The following C1GALT1 variants were observed in gnomAD, a reference collection of about 807,000 sequenced individuals.
The protein encoded by C1GALT1 is glycoprotein-N-acetylgalactosamine 3-beta-galactosyltransferase 1.
C1GALT1 carries 11 observed loss-of-function variants against 31.0 expected under a neutral mutation model. The observed-to-expected ratio is 0.36, with a 90% CI of 0.22 to 0.59. The LOEUF (loss-of-function observed/expected upper bound fraction) is 0.59, where lower values mean the gene tolerates loss of function less well. Ranked by LOEUF, C1GALT1 falls within the 20% of genes least tolerant of loss-of-function variation. C1GALT1 has a pLI of 0.79. For synonymous variants in C1GALT1, 175 were observed against 143.6 expected, an observed-to-expected ratio of 1.22 and a Z score of -1.56; for missense variants, 424 against 425.2, an observed-to-expected ratio of 1.00 and a Z score of 0.03.
intron 2 of C1GALT1, among the ~76,000 whole-genome samples, chr7:7,237,563 T>C (rs1427202119): frequency 6.6e-6 from 1 of 152,196 alleles, no homozygotes; most frequent in African/African-American, 2.4e-5. Flanking sequence ...CTCTAGACCA[T>C]CTTGGAATTC....
chr7:7,240,337 A>G (rs2128252074), intron 3 of C1GALT1, among the ~76,000 whole-genome samples: 1 of 152,330 alleles, frequency 6.6e-6, no homozygotes, highest in African/African-American at 2.4e-5. Flanking sequence ...ACCATGGTTC[A>G]GAGACCCTGG....
chr7:7,237,267 G>C (rs1461013522), intron 2 of C1GALT1, among the ~76,000 whole-genome samples: 1 of 152,150 alleles, frequency 6.6e-6, no homozygotes. Flanking sequence ...TCATCATTGA[G>C]CTCTTCCTCT....
chr7:7,221,164 T>TA (rs1218426290), intron 1 of C1GALT1, among the ~76,000 whole-genome samples: 1 of 151,274 alleles, frequency 6.6e-6, no homozygotes, highest in African/African-American at 2.4e-5. Context: ...TCTGGACCTC[T>TA]AAAGTGATCT....
At chr7:7,188,239 G>A (rs17164678) in intron 1 of C1GALT1, among the ~76,000 whole-genome samples, 32,247 of 152,096 alleles carry the variant, frequency 0.21, 4,336 homozygotes, top group African/African-American at 0.37. Context: ...AGATAATCCT[G>A]TGGCTCTGAG....
chr7:7,194,153 G>C (rs578241347), intron 1 of C1GALT1, among the ~76,000 whole-genome samples: 1 of 151,990 alleles, frequency 6.6e-6, no homozygotes, highest in South Asian at 2.1e-4. Context: ...TTACTGATTT[G>C]ATGCCCTTTA....
Position 7,182,684 on chromosome 7 carries a change from TG to T in C1GALT1, c.-151del. The T allele has an allele frequency of 1.9e-6, 1 of 522,034 alleles. No homozygotes were observed. The highest frequency in any genetic ancestry group is 2.5e-6 in the Non-Finnish European group (1 of 406,392). The allele number at this position is 522,034 out of a possible 1,614,324, so 32.3% of individuals were successfully genotyped here. A position where few individuals can be genotyped will look rare whatever the true frequency, so the allele number is the denominator to read the frequency against. ...GTGCTGCCGCTGCCGGGGAATAATC[TG>T]GGCGGCAGCGGGCGGCCTCGGCTAG... On this transcript the variant is annotated 5_prime_UTR_variant, in exon 1 of 4. Coordinates refer to ENST00000436587, the MANE Select transcript of C1GALT1 (RefSeq NM_020156.5).
At chr7:7,236,733 C>T (rs1276985318) in intron 2 of C1GALT1, among the ~76,000 whole-genome samples, 3 of 152,014 alleles carry the variant, frequency 2.0e-5, no homozygotes, top group Non-Finnish European at 2.9e-5. Context: ...ACCATGTTGG[C>T]CAGGCTGGTC....
At chr7:7,212,215 G>A (rs554813950) in intron 1 of C1GALT1, among the ~76,000 whole-genome samples, 3 of 152,300 alleles carry the variant, frequency 2.0e-5, no homozygotes, top group African/African-American at 7.2e-5. Context: ...GGAGCTTCCA[G>A]ACCTGTTAGA....
intron 1 of C1GALT1, among the ~76,000 whole-genome samples, chr7:7,217,288 G>A (rs962301726): frequency 6.6e-6 from 1 of 152,150 alleles, no homozygotes; most frequent in Admixed American, 6.5e-5. Context: ...GAAGGAAGAA[G>A]CTCCCCCATA....
intron 3 of C1GALT1, among the ~76,000 whole-genome samples, chr7:7,240,330 A>T (rs1783569137): frequency 6.6e-6 from 1 of 152,348 alleles, no homozygotes; most frequent in African/African-American, 2.4e-5. Context: ...CAGTAGTACC[A>T]TGGTTCAGAG....
intron 1 of C1GALT1, among the ~76,000 whole-genome samples, chr7:7,205,381 C>T (rs1288883979): frequency 6.6e-6 from 1 of 152,028 alleles, no homozygotes; most frequent in African/African-American, 2.4e-5. Flanking sequence ...TTACTGTGTT[C>T]TTATGATAAA....
At chr7:7,206,978 T>A (rs936988396) in intron 1 of C1GALT1, among the ~76,000 whole-genome samples, 2 of 152,142 alleles carry the variant, frequency 1.3e-5, no homozygotes, top group Admixed American at 6.5e-5. Context: ...TTCAGCTTCT[T>A]AGATGTTTAT....
chr7:7,201,265 G>A (rs544139238), intron 1 of C1GALT1, among the ~76,000 whole-genome samples: 1 of 152,304 alleles, frequency 6.6e-6, no homozygotes, highest in African/African-American at 2.4e-5. Context: ...TTTGCTGGAG[G>A]TCCACTCCAG....
In C1GALT1 at chr7:7,196,151, T is replaced by G. The variant is rs1258864368; in HGVS notation, c.-18+13331T>G. Reference sequence around the variant, plus strand: ...CATATGTATACATGTGTCATGTTGGTGTGCTGCACCTGTTAACTCATCATT... The same window carrying G: ...CATATGTATACATGTGTCATGTTGGGGTGCTGCACCTGTTAACTCATCATT... On this transcript the variant is annotated intron_variant, in intron 1 of 3. Coordinates refer to ENST00000436587, the MANE Select transcript of C1GALT1 (RefSeq NM_020156.5). 2.0e-5 allele frequency among the ~76,000 whole-genome samples: 3 copies of G among 152,162 alleles called. No homozygotes were observed. In the East Asian group the frequency reaches 5.8e-4, roughly 29 times the overall value.
chr7:7,175,517 T>C (rs1275903090), intron 2 of C1GALT1, among the ~76,000 whole-genome samples: 1 of 152,244 alleles, frequency 6.6e-6, no homozygotes, highest in African/African-American at 2.4e-5. Context: ...GATTTTGCCT[T>C]AGGCAGTCTA....
chr7:7,192,539 C>G (rs1299657980), intron 1 of C1GALT1, among the ~76,000 whole-genome samples: 1 of 151,924 alleles, frequency 6.6e-6, no homozygotes, highest in Non-Finnish European at 1.5e-5. Flanking sequence ...ACCACATTTT[C>G]TTTATCCACT....
intron 2 of C1GALT1, among the ~76,000 whole-genome samples, chr7:7,171,113 CAT>C (rs35038209): frequency 0.47 from 70,632 of 151,852 alleles, 17,083 homozygotes; most frequent in East Asian, 0.74. Context: ...TCTATATACA[CAT>C]GTTAGGTCTA....
intron 1 of C1GALT1, among the ~76,000 whole-genome samples, chr7:7,205,859 C>A (rs1027421055): frequency 6.6e-6 from 1 of 152,078 alleles, no homozygotes; most frequent in Admixed American, 6.5e-5. Context: ...ATCAATTCTG[C>A]AAATCTCTGC....
rs1783724364 is a variant in C1GALT1, at chr7:7,243,625, T to C, written c.990T>C (p.Gly330=). The change falls in exon 4 of 4, where the codon GGT becomes GGC. Residue 330 remains glycine, a synonymous_variant. Transcript: ENST00000436587. The part of the protein sequence containing the change: ...EYLVYHLRPY[G]YLYRYQPTLP... The stretch of plus-strand genomic sequence containing the variant: ...TCGTTTATCATCTTCGTCCATATGG[T>C]TATTTATACAGATATCAACCTACCT... 6.2e-7 allele frequency: 1 copy of C among 1,612,592 alleles called. No individual in the cohort carries two copies. Among genetic ancestry groups the C allele is most frequent in the Admixed American group, 1.7e-5 (1 of 59,876 alleles).
Sources: allele counts gnomAD v4.1 joint callset (sites outside exome capture counted in the v4.1 genomes callset), GRCh38; gene constraint gnomAD v4.1.1; transcripts MANE v1.5; gene names NCBI Gene and HGNC (gene_info 2026-07-23, HGNC 2026-07-21).